ISY1: variants seen among roughly 807,000 people sequenced by gnomAD.
ISY1 encodes the protein pre-mRNA-splicing factor ISY1 homolog.
A neutral mutation model predicts 54.4 loss-of-function variants in ISY1; 12 were observed. That is an observed-to-expected ratio of 0.22 (90% CI 0.14 to 0.36). The LOEUF (loss-of-function observed/expected upper bound fraction) is 0.36, where lower values mean the gene tolerates loss of function less well. Ranked by LOEUF, ISY1 falls within the 10% of genes least tolerant of loss-of-function variation. The pLI is 1.00. For missense variants in ISY1, 282 were observed against 342.2 expected, an observed-to-expected ratio of 0.82 and a Z score of 1.39; for synonymous variants, 96 against 117.9, an observed-to-expected ratio of 0.81 and a Z score of 1.20.
intron 7 of ISY1, among the ~76,000 whole-genome samples, chr3:129,136,105 A>G (rs554871094): frequency 6.6e-6 from 1 of 152,066 alleles, no homozygotes; most frequent in East Asian, 1.9e-4. Flanking sequence ...ATATTTAAGT[A>G]ATTCTTTTTT....
intron 5 of ISY1, among the ~76,000 whole-genome samples, chr3:129,155,185 G>C (rs113577455): frequency 2.0e-5 from 3 of 151,482 alleles, no homozygotes; most frequent in African/African-American, 7.3e-5. Context: ...TATTATTTCA[G>C]TGCTATATAT....
At position 129,160,927 on chromosome 3, in the gene ISY1, C is replaced by A; in HGVS notation, c.3+46G>T. 7.1e-6 allele frequency: 3 copies of A among 424,108 alleles called. No homozygotes were observed. The East Asian group carries it at 2.5e-4, about 35-fold the overall frequency. The allele number at this position is 424,108 out of a possible 1,614,324, so 26.3% of individuals were successfully genotyped here. ...CCCAGGTGGACTGGGCGCCCCCCCG[C>A]CCGCCCGCCCATCCACTCGCTCCCT... On this transcript the variant is annotated intron_variant, in intron 1 of 10. Transcript: ENST00000393295.
In ISY1 at chr3:129,130,019, G is replaced by T; in HGVS notation, c.*62C>A. The T allele has an allele frequency of 7.5e-7, 1 of 1,329,940 alleles. No homozygotes were observed. Among genetic ancestry groups the T allele is most frequent in the Non-Finnish European group, 1.0e-6 (1 of 971,016 alleles). 82.4% of individuals were successfully genotyped at this position (1,329,940 alleles called of 1,614,324 possible). On this transcript the variant is annotated 3_prime_UTR_variant, in exon 11 of 11. Transcript: ENST00000393295. ...CTTGCAGCACCAGCCTGTGTCTGCA[G>T]CCCTGGGTCCTGAGGTACCACTGGG...
At chr3:129,154,131 A>G (rs1937059215) in intron 5 of ISY1, among the ~76,000 whole-genome samples, 2 of 151,706 alleles carry the variant, frequency 1.3e-5, no homozygotes, top group African/African-American at 4.8e-5. Context: ...AGTCCCAGCT[A>G]CGCGGGAGGC....
chr3:129,140,502 A>C lies in ISY1; in HGVS notation c.301-17T>G. 6.3e-7 allele frequency: 1 copy of C among 1,589,484 alleles called. No homozygotes were observed. The highest frequency in any genetic ancestry group is 8.5e-7 in the Non-Finnish European group (1 of 1,172,866). ...GCCAACTTTCTTATTGGGAAGAAAA[A>C]AAGAGAAAATGGATCTGTTAGTTAG... On this transcript the variant is annotated splice_polypyrimidine_tract_variant and intron_variant, in intron 6 of 10. Coordinates refer to ENST00000393295, the MANE Select transcript of ISY1 (RefSeq NM_020701.4).
chr3:129,159,081 G>A, intron 2 of ISY1, 73 bp downstream of exon 2: 3 of 1,559,486 alleles, frequency 1.9e-6, no homozygotes, highest in Non-Finnish European at 2.6e-6. Flanking sequence ...CCAAAAAGAG[G>A]AAATACACAA....
intron 5 of ISY1, among the ~76,000 whole-genome samples, chr3:129,153,473 C>T (rs181991353): frequency 1.1e-3 from 161 of 152,272 alleles, no homozygotes; most frequent in African/African-American, 3.7e-3. Context: ...TAGCACCCTT[C>T]CAGTTGTAAC....
chr3:129,133,876 C>T (rs933416037), intron 9 of ISY1, among the ~76,000 whole-genome samples, 198 bp downstream of exon 9: 6 of 152,178 alleles, frequency 3.9e-5, no homozygotes, highest in South Asian at 2.1e-4. Flanking sequence ...GTGTAAAGCA[C>T]GGCCGGCAGG....
chr3:129,153,433 C>T (rs1937035487), intron 5 of ISY1, among the ~76,000 whole-genome samples: 1 of 152,188 alleles, frequency 6.6e-6, no homozygotes, highest in Non-Finnish European at 1.5e-5. Flanking sequence ...AGGCTTAGCA[C>T]ATCCCTGGCC....
At chr3:129,135,544 T>TCA (rs1159839071) in intron 7 of ISY1, among the ~76,000 whole-genome samples, 17 of 151,926 alleles carry the variant, frequency 1.1e-4, no homozygotes, top group African/African-American at 4.1e-4. Flanking sequence ...GGCGGGAGAA[T>TCA]CACGAGGTCA....
chr3:129,143,442 G>C (rs947593612), intron 6 of ISY1, among the ~76,000 whole-genome samples: 4 of 150,188 alleles, frequency 2.7e-5, no homozygotes, highest in African/African-American at 9.8e-5. Context: ...GGAGGCAGAG[G>C]TTGCAGTGAG....
intron 7 of ISY1, among the ~76,000 whole-genome samples, chr3:129,138,779 C>T (rs1241358613): frequency 1.3e-5 from 2 of 148,342 alleles, no homozygotes; most frequent in African/African-American, 2.5e-5. Flanking sequence ...TGCACAACTA[C>T]ACTCCAGCCT....
intron 5 of ISY1, among the ~76,000 whole-genome samples, chr3:129,154,129 C>G (rs55895709): frequency 6.6e-6 from 1 of 151,686 alleles, no homozygotes; most frequent in South Asian, 2.1e-4. Flanking sequence ...GTAGTCCCAG[C>G]TACGCGGGAG....
intron 5 of ISY1, among the ~76,000 whole-genome samples, chr3:129,150,252 G>T (rs1180284086): frequency 6.6e-6 from 1 of 152,130 alleles, no homozygotes; most frequent in Non-Finnish European, 1.5e-5. Flanking sequence ...TTAGAATTTT[G>T]ATTGTGATAT....
At chr3:129,157,946 C>T (rs1315179716) in intron 3 of ISY1, among the ~76,000 whole-genome samples, 3 of 151,954 alleles carry the variant, frequency 2.0e-5, no homozygotes, top group African/African-American at 4.8e-5. Flanking sequence ...CTGCAACCTC[C>T]GTCTCCAGGG....
chr3:129,158,768 C>T (rs1263785459), intron 2 of ISY1, among the ~76,000 whole-genome samples: 1 of 152,054 alleles, frequency 6.6e-6, no homozygotes, highest in African/African-American at 2.4e-5. Flanking sequence ...TCCTGAACAC[C>T]CAAGAATCTA....
In ISY1 at chr3:129,129,766, T is replaced by C. The variant is rs906980838; in HGVS notation, c.*315A>G. On this transcript the variant is annotated 3_prime_UTR_variant, in exon 11 of 11. Coordinates refer to ENST00000393295, the MANE Select transcript of ISY1 (RefSeq NM_020701.4). ...CTGCAAAAAATTGCATTTTTAAATG[T>C]TTGCCACTAATTGATTCTTCTCCCC... 2.4e-5 allele frequency: 6 copies of C among 245,590 alleles called. No homozygotes were observed. Among genetic ancestry groups the C allele is most frequent in the African/African-American group, 1.3e-4 (6 of 44,954 alleles). 15.2% of individuals were successfully genotyped at this position (245,590 alleles called of 1,614,324 possible).
At chr3:129,154,074 C>A (rs1231391109) in intron 5 of ISY1, among the ~76,000 whole-genome samples, 1 of 151,780 alleles carries the variant, frequency 6.6e-6, no homozygotes, top group Non-Finnish European at 1.5e-5. Flanking sequence ...AACCCCATCT[C>A]TACTAAAAAT....
rs1366077296 is a variant in ISY1, at chr3:129,134,820, C to G, written c.541+12G>C. 6.2e-7 allele frequency: 1 copy of G among 1,601,076 alleles called. No individual in the cohort carries two copies. The highest frequency in any genetic ancestry group is 1.1e-5 in the South Asian group (1 of 89,860). ...TGCCATCTATTATGAAATAAAATGC[C>G]CAGAGACCTACGTTTCTTTTCATAT... On this transcript the variant is annotated intron_variant, in intron 8 of 10. Coordinates refer to ENST00000393295, the MANE Select transcript of ISY1 (RefSeq NM_020701.4).
Sources: allele counts gnomAD v4.1 joint callset (sites outside exome capture counted in the v4.1 genomes callset), GRCh38; gene constraint gnomAD v4.1.1; transcripts MANE v1.5; gene names NCBI Gene and HGNC (gene_info 2026-07-23, HGNC 2026-07-21).